Variants in CFI observed in about 807,000 individuals in gnomAD.
The protein encoded by CFI is complement factor I.
A neutral mutation model predicts 78.8 loss-of-function variants in CFI; 66 were observed. The observed-to-expected ratio is 0.84, with a 90% confidence interval of 0.69 to 1.03. The LOEUF (loss-of-function observed/expected upper bound fraction) is 1.03, where lower values mean the gene tolerates loss of function less well. CFI is among the 50% of genes least tolerant of loss of function. The pLI is 0.00. For missense variants in CFI, 706 were observed against 704.5 expected, an observed-to-expected ratio of 1.00 and a Z score of -0.02; for synonymous variants, 250 against 232.6, an observed-to-expected ratio of 1.07 and a Z score of -0.68.
chr4:109,778,199 T>A (rs1729531071), intron 1 of CFI, among the ~76,000 whole-genome samples: 1 of 151,930 alleles, frequency 6.6e-6, no homozygotes, highest in Non-Finnish European at 1.5e-5. Context: ...CAGGAGATGG[T>A]TTTTTGAAAA....
chr4:109,762,552 G>A (rs1157289219), intron 3 of CFI: 2 of 151,998 alleles, frequency 1.3e-5, no homozygotes, highest in African/African-American at 2.4e-5. Flanking sequence ...GGGAAAATAG[G>A]TTAAAAATAA....
At chr4:109,743,459 T>C (rs895378562) in intron 11 of CFI, among the ~76,000 whole-genome samples, 4 of 152,138 alleles carry the variant, frequency 2.6e-5, no homozygotes, top group African/African-American at 9.7e-5. Flanking sequence ...GACTTTAAGG[T>C]GGTCAGTAAA....
chr4:109,768,145 G>C (rs1728023569), intron 1 of CFI, among the ~76,000 whole-genome samples: 1 of 115,332 alleles, frequency 8.7e-6, no homozygotes, highest in Admixed American at 9.9e-5. Flanking sequence ...GGTGGGGGGA[G>C]GGGGGAAGGA....
At chr4:109,740,643 A>G, downstream of CFI, 3 of 491,420 alleles carry the variant, frequency 6.1e-6, no homozygotes, top group Non-Finnish European at 1.1e-5. Flanking sequence ...CAGTCAATAA[A>G]TCACTCCCGC....
At chr4:109,743,862 G>A (rs1289690234) in intron 11 of CFI, among the ~76,000 whole-genome samples, 1 of 152,036 alleles carries the variant, frequency 6.6e-6, no homozygotes, top group East Asian at 1.9e-4. Flanking sequence ...GCCAGGCATG[G>A]TGGTCCCAGC....
chr4:109,754,780 A>G (rs1402565481), intron 7 of CFI, among the ~76,000 whole-genome samples: 1 of 152,148 alleles, frequency 6.6e-6, no homozygotes, highest in African/African-American at 2.4e-5. Flanking sequence ...ATCAGAGAAG[A>G]CTCAAATATT....
At chr4:109,768,349 A>AG (rs1560548078) in intron 1 of CFI, among the ~76,000 whole-genome samples, 1 of 150,576 alleles carries the variant, frequency 6.6e-6, no homozygotes, top group Non-Finnish European at 1.5e-5. Flanking sequence ...AAAAAAAAAA[A>AG]AAAAGAAAAA....
chr4:109,782,075 A>C (rs1429655999), intron 1 of CFI, among the ~76,000 whole-genome samples: 1 of 152,266 alleles, frequency 6.6e-6, no homozygotes, highest in South Asian at 2.1e-4. Flanking sequence ...GAAAAGTTGA[A>C]AGCATTCCCT....
chr4:109,767,083 G>A (rs939348800), intron 1 of CFI, among the ~76,000 whole-genome samples: 1 of 152,186 alleles, frequency 6.6e-6, no homozygotes, highest in African/African-American at 2.4e-5. Context: ...GACATATGGA[G>A]AAAGCTGAAA....
chr4:109,739,993 T>C (rs1310468710), downstream of CFI, among the ~76,000 whole-genome samples: 1 of 151,966 alleles, frequency 6.6e-6, no homozygotes, highest in Non-Finnish European at 1.5e-5. Context: ...CAAGAAATGT[T>C]AATACTTAAA....
At chr4:109,758,498 G>A (rs1412681966) in intron 6 of CFI, among the ~76,000 whole-genome samples, 1 of 152,100 alleles carries the variant, frequency 6.6e-6, no homozygotes, top group African/African-American at 2.4e-5. Flanking sequence ...CCAACTCATT[G>A]CTTTGAAACT....
chr4:109,777,740 CT>C (rs1244698497), intron 1 of CFI, among the ~76,000 whole-genome samples: 2 of 152,178 alleles, frequency 1.3e-5, no homozygotes, highest in Non-Finnish European at 1.5e-5. Flanking sequence ...AAGTAAAGCA[CT>C]CCTCAGCAAA....
chr4:109,785,115 G>C (rs1016576546), intron 1 of CFI, among the ~76,000 whole-genome samples: 5 of 152,060 alleles, frequency 3.3e-5, no homozygotes, highest in African/African-American at 9.6e-5. Flanking sequence ...TCCACTGTCT[G>C]TCCCAAACCT....
At chr4:109,781,201 T>A (rs1182710140) in intron 1 of CFI, among the ~76,000 whole-genome samples, 1 of 152,074 alleles carries the variant, frequency 6.6e-6, no homozygotes, top group Admixed American at 6.6e-5. Flanking sequence ...AAAAAAAAGT[T>A]AAAGATAAAT....
rs1352826089 is a variant in CFI at position 109,746,504 on chromosome 4, T to C, written c.1149-2A>G. ...TGGTAACGATGAGTTTTACTGGCTC[T>C]ATAACAGAAAAAAAAAGGAAATAAA... On this transcript the variant is annotated splice_acceptor_variant, in intron 10 of 12. Coordinates refer to ENST00000394634, the MANE Select transcript of CFI (RefSeq NM_000204.5). LOFTEE classifies it high-confidence loss of function. 1 of 1,592,732 alleles carries C rather than the reference T, an allele frequency of 6.3e-7. No homozygotes were observed. The highest frequency in any genetic ancestry group is 2.2e-5 in the East Asian group (1 of 44,708).
intron 7 of CFI, among the ~76,000 whole-genome samples, chr4:109,756,965 G>GAAAT (rs1237928483): frequency 7.5e-6 from 1 of 133,760 alleles, no homozygotes. Flanking sequence ...AAGAAAGAAA[G>GAAAT]AAAGAAAGAA....
chr4:109,772,655 T>C (rs1728746308), intron 1 of CFI, among the ~76,000 whole-genome samples: 2 of 151,886 alleles, frequency 1.3e-5, no homozygotes, highest in Admixed American at 1.3e-4. Flanking sequence ...CACAGCTCAC[T>C]GTAATCCTAA....
At chr4:109,801,866 C>G in intron 1 of CFI, 49 bp downstream of exon 1, 1 of 1,258,328 alleles carries the variant, frequency 7.9e-7, no homozygotes, top group Non-Finnish European at 1.2e-6. Flanking sequence ...GTTTTTACAA[C>G]CTTTAAATTA....
intron 10 of CFI, among the ~76,000 whole-genome samples, chr4:109,747,479 G>T (rs1471940031): frequency 6.6e-6 from 1 of 152,152 alleles, no homozygotes; most frequent in African/African-American, 2.4e-5. Flanking sequence ...TCAACTCATA[G>T]TTTCAAGCAA....
Sources: allele counts gnomAD v4.1 joint callset (sites outside exome capture counted in the v4.1 genomes callset), GRCh38; gene constraint gnomAD v4.1.1; transcripts MANE v1.5; gene names NCBI Gene and HGNC (gene_info 2026-07-23, HGNC 2026-07-21).